The following PYROXD1 variants were observed in gnomAD, a reference collection of about 807,000 sequenced individuals.
The protein encoded by PYROXD1 is tRNA ligase complex-associated NAD(P)H dehydrogenase PYROXD1.
PYROXD1 carries 42 observed loss-of-function variants against 62.0 expected under a neutral mutation model. That is an observed-to-expected ratio of 0.68 (90% CI 0.53 to 0.88). PYROXD1 has a LOEUF of 0.88. Ranked by LOEUF, PYROXD1 falls within the 40% of genes least tolerant of loss-of-function variation. The probability of loss-of-function intolerance (pLI) is 0.00; values close to 1 mark genes in which losing one functional copy is unlikely to be tolerated. For synonymous variants in PYROXD1, 170 were observed against 206.4 expected (o/e 0.82, Z 1.51); for missense variants, 493 against 604.8 (o/e 0.82, Z 1.94).
At chr12:21,438,062 G>A (rs762449063) in intron 1 of PYROXD1, 1 of 557,528 alleles carries the variant, frequency 1.8e-6, no homozygotes, top group Non-Finnish European at 3.2e-6. Context: ...TGGCTGATCC[G>A]TGCTCAGATC....
At chr12:21,457,204 G>T in intron 7 of PYROXD1, 1 of 210,938 alleles carries the variant, frequency 4.7e-6, no homozygotes, top group Non-Finnish European at 9.8e-6. Context: ...GGTTTTCAAT[G>T]TACTTTTCCC....
chr12:21,456,080 TAAAGG>T lies in PYROXD1; in HGVS notation c.738_742del (p.Lys246AsnfsTer7), dbSNP rs775878599. The T allele has an allele frequency of 6.2e-7, 1 of 1,602,078 alleles. No homozygotes were observed. Among genetic ancestry groups the T allele is most frequent in the African/African-American group, 1.3e-5 (1 of 74,536 alleles). On this transcript the variant is annotated frameshift_variant, in exon 7 of 12. Coordinates refer to ENST00000240651, the MANE Select transcript of PYROXD1 (RefSeq NM_024854.5). LOFTEE classifies it high-confidence loss of function. ...CAGATTGGCATGAAGGCTTGAATCT[TAAAGG>T]AACAAAAGAGGTATCTTTTCATATA...
intron 5 of PYROXD1, among the ~76,000 whole-genome samples, chr12:21,452,531 G>A (rs887881697): frequency 1.3e-5 from 2 of 151,952 alleles, no homozygotes; most frequent in African/African-American, 4.8e-5. Flanking sequence ...ACTTTTTATT[G>A]CTTATATGAT....
intron 2 of PYROXD1, 94 bp from the exon 3 acceptor site, chr12:21,445,253 A>C (rs971651403): frequency 4.7e-6 from 6 of 1,275,086 alleles, no homozygotes; most frequent in Non-Finnish European, 2.1e-6. Context: ...ATAAACACAA[A>C]ATAGTGTGTA....
intron 2 of PYROXD1, 91 bp from the exon 3 acceptor site, chr12:21,445,256 A>T: frequency 7.8e-7 from 1 of 1,281,074 alleles, no homozygotes; most frequent in Non-Finnish European, 1.0e-6. Flanking sequence ...AACACAAAAT[A>T]GTGTGTAAAA....
chr12:21,469,893 A>G lies in PYROXD1; in HGVS notation c.*1139A>G, dbSNP rs955405976. The G allele has an allele frequency of 4.6e-6, 1 of 216,680 alleles. No homozygotes were observed. Among genetic ancestry groups the G allele is most frequent in the Non-Finnish European group, 9.1e-6 (1 of 109,962 alleles). 13.4% of individuals were successfully genotyped at this position (216,680 alleles called of 1,614,324 possible). ...TTATGTCAAAAGAAAAAATATAGCT[A>G]AGTATATAAAGGCATAAAAAACTTA... On this transcript the variant is annotated 3_prime_UTR_variant, in exon 12 of 12. Transcript: ENST00000240651.
chr12:21,448,190 A>G (rs2137254060), intron 3 of PYROXD1: 3 of 636,960 alleles, frequency 4.7e-6, no homozygotes, highest in South Asian at 3.3e-5. Flanking sequence ...CAGGGCCTTC[A>G]CAGCCACCAT....
intron 5 of PYROXD1, chr12:21,454,849 T>C (rs1045277426): frequency 4.9e-6 from 1 of 202,252 alleles, no homozygotes; most frequent in Non-Finnish European, 9.9e-6. Context: ...AATTGAACAT[T>C]TTCTAATGAT....
At chr12:21,450,649 ATGATGATTT>A (rs1253482858) in intron 4 of PYROXD1, among the ~76,000 whole-genome samples, 10 of 152,332 alleles carry the variant, frequency 6.6e-5, no homozygotes, top group African/African-American at 2.2e-4. Context: ...GTCTCATGAC[ATGATGATTT>A]TGCATTAATA....
In PYROXD1 at chr12:21,445,456, G is replaced by A. The variant is rs1942369047; in HGVS notation, c.275G>A (p.Ser92Asn). ...GAATCTGGCGTAAAGCAACTGAAGA[G>A]TGAAGAACACGTAAGATAATTGTTT... ...VIESGVKQLK[S>N]EEHCIVTEDG... The change falls in exon 3 of 12, where the codon AGT becomes AAT. Residue 92 changes from serine (S) to asparagine (N), a missense_variant. Physicochemically the swap from Ser to Asn is conservative, Grantham distance 46. Transcript: ENST00000240651. The A allele has an allele frequency of 6.3e-7, 1 of 1,592,118 alleles. No individual in the cohort carries two copies. The highest frequency in any genetic ancestry group is 8.5e-7 in the Non-Finnish European group (1 of 1,174,158).
intron 2 of PYROXD1, among the ~76,000 whole-genome samples, chr12:21,444,397 G>A (rs1467277626): frequency 6.6e-6 from 1 of 152,160 alleles, no homozygotes; most frequent in African/African-American, 2.4e-5. Flanking sequence ...AGTCACTAGT[G>A]CTTATCCTGA....
chr12:21,449,794 A>G, intron 4 of PYROXD1, 103 bp downstream of exon 4: 2 of 1,016,156 alleles, frequency 2.0e-6, no homozygotes, highest in Non-Finnish European at 2.9e-6. Flanking sequence ...GGCAGAAGGG[A>G]AATTTTTGTT....
At chr12:21,460,728 A>G (rs1013802137) in intron 7 of PYROXD1, among the ~76,000 whole-genome samples, 5 of 152,138 alleles carry the variant, frequency 3.3e-5, no homozygotes, top group African/African-American at 1.2e-4. Context: ...CCCAACAACT[A>G]CTGTAATTTT....
At position 21,467,629 on chromosome 12, in the gene PYROXD1, T is replaced by G; in HGVS notation, c.1254+11T>G. ...TTTTTTAACTATAAGGTAAGATAGT[T>G]AAGCATATTAATGCCTTCTCTGCTT... On this transcript the variant is annotated intron_variant, in intron 11 of 11. Transcript: ENST00000240651. 6.3e-7 allele frequency: 1 copy of G among 1,596,918 alleles called. No homozygotes were observed. Among genetic ancestry groups the G allele is most frequent in the Non-Finnish European group, 8.6e-7 (1 of 1,167,394 alleles).
chr12:21,447,499 C>T, intron 3 of PYROXD1: 1 of 157,380 alleles, frequency 6.4e-6, no homozygotes. Context: ...GAAAAATATC[C>T]CACATGCAGT....
intron 5 of PYROXD1, among the ~76,000 whole-genome samples, chr12:21,453,973 A>G (rs73069804): frequency 0.02 from 3,052 of 152,074 alleles, 37 homozygotes; most frequent in Middle Eastern, 0.051. Context: ...CAGTAATGCT[A>G]TATGACCAGA....
At chr12:21,461,677 TAAGTG>T (rs569245997) in intron 8 of PYROXD1, among the ~76,000 whole-genome samples, 58 of 152,266 alleles carry the variant, frequency 3.8e-4, no homozygotes, top group African/African-American at 1.3e-3. Flanking sequence ...ACTAAACACT[TAAGTG>T]GAGTGTAAAG....
At chr12:21,439,266 A>C (rs11046048) in intron 1 of PYROXD1, among the ~76,000 whole-genome samples, 17,028 of 152,226 alleles carry the variant, frequency 0.11, 1,074 homozygotes, top group East Asian at 0.31. Context: ...GATTAGTTAC[A>C]ATGTATTTGT....
At chr12:21,440,740 T>C (rs1030492342) in intron 2 of PYROXD1, among the ~76,000 whole-genome samples, 3 of 152,218 alleles carry the variant, frequency 2.0e-5, no homozygotes, top group African/African-American at 7.2e-5. Flanking sequence ...CATCCTTGTG[T>C]TGTTCTTGAT....
Sources: allele counts gnomAD v4.1 joint callset (sites outside exome capture counted in the v4.1 genomes callset), GRCh38; gene constraint gnomAD v4.1.1; transcripts MANE v1.5; gene names NCBI Gene and HGNC (gene_info 2026-07-23, HGNC 2026-07-21).